The following SUZ12 variants were observed in gnomAD, a reference collection of about 807,000 sequenced individuals.
The protein encoded by SUZ12 is polycomb protein SUZ12.
A neutral mutation model predicts 87.3 loss-of-function variants in SUZ12; 17 were observed. The ratio of observed to expected loss-of-function variants is 0.19; its 90% confidence interval spans 0.13 to 0.29. SUZ12 has a LOEUF of 0.29. SUZ12 is among the 10% of genes least tolerant of loss of function. The pLI, the probability that SUZ12 is intolerant of heterozygous loss-of-function variation, is 1.00. For missense variants in SUZ12, 526 were observed against 912.2 expected (o/e 0.58, Z 5.45); for synonymous variants, 253 against 312.4 (o/e 0.81, Z 2.01).
Position 31,937,223 on chromosome 17 carries a change from C to A in SUZ12, c.-24C>A. 7.2e-7 allele frequency: 1 copy of A among 1,397,072 alleles called. No individual in the cohort carries two copies. The highest frequency in any genetic ancestry group is 1.6e-5 in the South Asian group (1 of 63,506). The allele number at this position is 1,397,072 out of a possible 1,614,324, so 86.5% of individuals were successfully genotyped here. A position where few individuals can be genotyped will look rare whatever the true frequency, so the allele number is the denominator to read the frequency against. On this transcript the variant is annotated 5_prime_UTR_variant, in exon 1 of 16. Coordinates refer to ENST00000322652, the MANE Select transcript of SUZ12 (RefSeq NM_015355.4). ...CCGGGGCCGCCCGGCGGGTAGCTGG[C>A]GGGGGGAGGAGGCAGGAACCGCGAT... is the stretch of plus-strand genomic sequence containing the variant.
chr17:31,937,216 T>C lies in SUZ12; in HGVS notation c.-31T>C. 1 of 1,396,226 alleles carries C rather than the reference T, an allele frequency of 7.2e-7. No homozygotes were observed. The highest frequency in any genetic ancestry group is 9.2e-7 in the Non-Finnish European group (1 of 1,086,112). The allele number at this position is 1,396,226 out of a possible 1,614,324, so 86.5% of individuals were successfully genotyped here. ...TTGCTCTCCGGGGCCGCCCGGCGGGTAGCTGGCGGGGGGAGGAGGCAGGAA... is the reference window on the plus strand; with the variant it reads ...TTGCTCTCCGGGGCCGCCCGGCGGGCAGCTGGCGGGGGGAGGAGGCAGGAA... On this transcript the variant is annotated 5_prime_UTR_variant, in exon 1 of 16. Transcript: ENST00000322652.
intron 5 of SUZ12, among the ~76,000 whole-genome samples, chr17:31,971,529 G>A (rs1271811282): frequency 1.3e-5 from 2 of 150,260 alleles, no homozygotes; most frequent in Non-Finnish European, 3.0e-5. Flanking sequence ...CCAACCCCTG[G>A]TTCAAGCAGT....
In SUZ12 at chr17:31,998,697, G is replaced by C. The variant is rs1397521247; in HGVS notation, c.1914G>C (p.Leu638=). Residue 638 remains leucine (L), a synonymous_variant, in exon 16 of 16, where the codon CTG becomes CTC. Coordinates refer to ENST00000322652, the MANE Select transcript of SUZ12 (RefSeq NM_015355.4). ...ATCAAATGAATCATGCCTGTATGCTGTTTGTAGAAAATTATGGACAGAAAA... is the reference window on the plus strand; with the variant it reads ...ATCAAATGAATCATGCCTGTATGCTCTTTGTAGAAAATTATGGACAGAAAA... ...ADNQMNHACM[L]FVENYGQKII... is the part of the protein sequence containing the mutation. The C allele has an allele frequency of 1.3e-6, 2 of 1,591,390 alleles. No homozygotes were observed. The highest frequency in any genetic ancestry group is 1.7e-6 in the Non-Finnish European group (2 of 1,169,012).
intron 9 of SUZ12, among the ~76,000 whole-genome samples, chr17:31,983,496 A>G (rs56292830): frequency 0.018 from 2,682 of 151,986 alleles, 76 homozygotes; most frequent in African/African-American, 0.06. Flanking sequence ...TGGCCAGGCT[A>G]GTCTGGAACT....
chr17:31,986,756 T>C (rs949096575), intron 9 of SUZ12, among the ~76,000 whole-genome samples: 2 of 152,166 alleles, frequency 1.3e-5, no homozygotes, highest in Non-Finnish European at 2.9e-5. Context: ...TTCACCATGT[T>C]GTCCAGGATG....
intron 4 of SUZ12, among the ~76,000 whole-genome samples, chr17:31,957,895 C>CTTTTTTTTTTTTTTTTTTTTTTTTT (rs1181314058): frequency 1.1e-5 from 1 of 91,332 alleles, no homozygotes; most frequent in Non-Finnish European, 2.2e-5. Context: ...ACCTTTTGTC[C>CTTTTTTTTTTTTTTTTTTTTTTTTT]TTTTTTTTTT....
chr17:31,940,972 T>C (rs563885771), intron 3 of SUZ12, among the ~76,000 whole-genome samples: 44 of 151,186 alleles, frequency 2.9e-4, no homozygotes, highest in Non-Finnish European at 5.5e-4. Flanking sequence ...ATTGCGCCGT[T>C]GCACTCCAGC....
chr17:31,994,145 C>A, intron 12 of SUZ12, 137 bp downstream of exon 12: 2 of 802,432 alleles, frequency 2.5e-6, no homozygotes, highest in Non-Finnish European at 1.8e-6. Context: ...GATAGCATGA[C>A]TTTCAAAAAT....
chr17:31,940,475 A>G lies in SUZ12; in HGVS notation c.375A>G (p.Thr125=). 1 of 1,577,108 alleles carries G rather than the reference A, an allele frequency of 6.3e-7. No homozygotes were observed. Among genetic ancestry groups the G allele is most frequent in the East Asian group, 2.3e-5 (1 of 44,218 alleles). ...LTYMSHRNSR[T]NIKRKTFKVD... Reference sequence around the variant, plus strand: ...ACATGTCTCATCGAAACTCCAGAACAAACATCAAAAGGTACATTTTATGAA... The same window carrying G: ...ACATGTCTCATCGAAACTCCAGAACGAACATCAAAAGGTACATTTTATGAA... The change falls in exon 3 of 16, where the codon ACA becomes ACG. Residue 125 remains threonine, a synonymous_variant. Coordinates refer to ENST00000322652, the MANE Select transcript of SUZ12 (RefSeq NM_015355.4).
At chr17:31,979,998 A>T (rs2142187985) in intron 8 of SUZ12, among the ~76,000 whole-genome samples, 1 of 149,036 alleles carries the variant, frequency 6.7e-6, no homozygotes, top group East Asian at 1.9e-4. Flanking sequence ...CCTAAAAAAT[A>T]TATATATATG....
chr17:31,975,256 T>G (rs1386175509), intron 6 of SUZ12, among the ~76,000 whole-genome samples: 10 of 152,188 alleles, frequency 6.6e-5, no homozygotes, highest in Non-Finnish European at 1.5e-4. Flanking sequence ...GTATCATAAT[T>G]TCATTATGTT....
chr17:31,994,229 A>C, intron 12 of SUZ12: 1 of 471,506 alleles, frequency 2.1e-6, no homozygotes, highest in Non-Finnish European at 3.7e-6. Flanking sequence ...AATGATTCAG[A>C]GTTGACATAT....
At chr17:31,954,854 G>T (rs143916831) in intron 4 of SUZ12, among the ~76,000 whole-genome samples, 2,856 of 152,334 alleles carry the variant, frequency 0.019, 99 homozygotes, top group African/African-American at 0.064. Flanking sequence ...CAGAGTAGCT[G>T]TGTAGAAAGA....
intron 8 of SUZ12, among the ~76,000 whole-genome samples, chr17:31,977,450 T>A (rs1180667220): frequency 3.3e-5 from 5 of 152,074 alleles, no homozygotes; most frequent in Non-Finnish European, 7.4e-5. Flanking sequence ...CAGCTAATTT[T>A]TTGTATTTTC....
At chr17:31,954,461 T>A (rs751352983) in intron 4 of SUZ12, among the ~76,000 whole-genome samples, 1 of 152,148 alleles carries the variant, frequency 6.6e-6, no homozygotes, top group Non-Finnish European at 1.5e-5. Context: ...AAGGCCTGCA[T>A]CTATATTCTT....
chr17:31,969,081 AT>A (rs1908263170), intron 5 of SUZ12, among the ~76,000 whole-genome samples: 1 of 152,112 alleles, frequency 6.6e-6, no homozygotes, highest in Admixed American at 6.6e-5. Flanking sequence ...GGTTCAAGTG[AT>A]TCTCATGCCT....
intron 7 of SUZ12, among the ~76,000 whole-genome samples, chr17:31,976,113 G>A (rs1323279853): frequency 6.6e-6 from 1 of 152,194 alleles, no homozygotes; most frequent in Non-Finnish European, 1.5e-5. Context: ...ACAACCTAGT[G>A]TAGGGAAATA....
At chr17:31,956,352 C>G (rs913647813) in intron 4 of SUZ12, among the ~76,000 whole-genome samples, 1 of 151,950 alleles carries the variant, frequency 6.6e-6, no homozygotes, top group Non-Finnish European at 1.5e-5. Context: ...TGCCACCATG[C>G]CTGGCTAATG....
intron 7 of SUZ12, among the ~76,000 whole-genome samples, chr17:31,976,222 C>T (rs912489311): frequency 6.6e-6 from 1 of 152,090 alleles, no homozygotes; most frequent in Non-Finnish European, 1.5e-5. Context: ...ATCTTTGACT[C>T]GAAGTATTGT....
Sources: allele counts gnomAD v4.1 joint callset (sites outside exome capture counted in the v4.1 genomes callset), GRCh38; gene constraint gnomAD v4.1.1; transcripts MANE v1.5; gene names NCBI Gene and HGNC (gene_info 2026-07-23, HGNC 2026-07-21).